The following RERE variants were observed in gnomAD, a reference collection of about 807,000 sequenced individuals.
RERE encodes the protein arginine-glutamic acid dipeptide repeats protein.
In RERE, 40 loss-of-function variants were observed where a neutral mutation model predicts 146.1. That is an observed-to-expected ratio of 0.27 (90% CI 0.21 to 0.36). The LOEUF is 0.36. RERE is among the 10% of genes least tolerant of loss of function. The probability of loss-of-function intolerance (pLI) is 1.00; values close to 1 mark genes in which losing one functional copy is unlikely to be tolerated. For synonymous variants in RERE, 1,003 were observed against 866.0 expected (o/e 1.16, Z -2.78); for missense variants, 1,933 against 2,138.7 (o/e 0.90, Z 1.90).
chr1:8,704,524 C>A (rs898046041), intron 1 of RERE, among the ~76,000 whole-genome samples: 1 of 152,140 alleles, frequency 6.6e-6, no homozygotes, highest in Admixed American at 6.6e-5. Context: ...TATAAAGTGG[C>A]TGCATTATCA....
chr1:8,697,092 T>C (rs997051672), intron 1 of RERE, among the ~76,000 whole-genome samples: 5 of 152,120 alleles, frequency 3.3e-5, no homozygotes, highest in African/African-American at 1.2e-4. Flanking sequence ...TTGAGAAAGG[T>C]GAATATTTCA....
At chr1:8,562,081 A>G (rs1646085338) in intron 4 of RERE, among the ~76,000 whole-genome samples, 2 of 152,232 alleles carry the variant, frequency 1.3e-5, no homozygotes, top group Non-Finnish European at 2.9e-5. Flanking sequence ...ATTAATATAA[A>G]GCAAGTGGAT....
At chr1:8,664,156 A>G (rs1317057381) in intron 1 of RERE, among the ~76,000 whole-genome samples, 1 of 152,222 alleles carries the variant, frequency 6.6e-6, no homozygotes, top group African/African-American at 2.4e-5. Flanking sequence ...TCCTCTCTGC[A>G]GCAAATTCAG....
intron 1 of RERE, among the ~76,000 whole-genome samples, chr1:8,727,326 G>C (rs1639991908): frequency 6.6e-6 from 1 of 151,178 alleles, no homozygotes; most frequent in Non-Finnish European, 1.5e-5. Flanking sequence ...ATTTTTCATA[G>C]AGACAGAATT....
chr1:8,429,592 G>T (rs896369555), intron 11 of RERE, among the ~76,000 whole-genome samples: 10 of 152,176 alleles, frequency 6.6e-5, no homozygotes, highest in Admixed American at 2.6e-4. Flanking sequence ...AGATACCTCT[G>T]CATTAACCCC....
chr1:8,397,585 C>T (rs1355385070), intron 12 of RERE, among the ~76,000 whole-genome samples: 2 of 107,408 alleles, frequency 1.9e-5, no homozygotes, highest in South Asian at 6.2e-4. Context: ...CACACTCACA[C>T]AGGAAAAAAA....
chr1:8,637,027 C>T (rs1647110317), intron 2 of RERE, among the ~76,000 whole-genome samples: 1 of 152,050 alleles, frequency 6.6e-6, no homozygotes, highest in African/African-American at 2.4e-5. Flanking sequence ...TCTAGATGCC[C>T]TAGTGGCATC....
chr1:8,613,022 G>A (rs1279126140), intron 4 of RERE, among the ~76,000 whole-genome samples: 2 of 152,100 alleles, frequency 1.3e-5, no homozygotes, highest in South Asian at 4.1e-4. Context: ...TTATGCTGTT[G>A]CAACAATTAC....
Position 8,358,470 on chromosome 1 carries a change from G to A in RERE, c.4065C>T (p.Ile1355=), listed in dbSNP as rs1570022194. ...EHFARHSALT[I]PPTAGPHPFA... ...AAGGGTGGGGCCCGGCGGTCGGGGG[G>A]ATGGTGAGGGCGCTGTGCCGGGCAA... is the stretch of plus-strand genomic sequence containing the variant. The change falls in exon 20 of 23, where the codon ATC becomes ATT. Residue 1355 remains isoleucine (I), a synonymous_variant. Coordinates refer to ENST00000400908, the MANE Select transcript of RERE (RefSeq NM_001042681.2). 1.3e-6 allele frequency: 2 copies of A among 1,585,052 alleles called. No individual in the cohort carries two copies. The highest frequency in any genetic ancestry group is 1.7e-6 in the Non-Finnish European group (2 of 1,163,156).
chr1:8,718,868 G>A (rs1639809307), intron 1 of RERE, among the ~76,000 whole-genome samples: 1 of 152,132 alleles, frequency 6.6e-6, no homozygotes, highest in East Asian at 1.9e-4. Flanking sequence ...ATTCAAGCAA[G>A]GCCTTGGATG....
chr1:8,533,912 G>A (rs938583502), intron 7 of RERE, among the ~76,000 whole-genome samples: 2 of 152,172 alleles, frequency 1.3e-5, no homozygotes, highest in African/African-American at 4.8e-5. Context: ...CTTTTGTCCT[G>A]TTTTATTAAA....
chr1:8,423,884 G>T lies in RERE; in HGVS notation c.1204-1077C>A, dbSNP rs1472471284. On this transcript the variant is annotated intron_variant, in intron 11 of 22. Transcript: ENST00000400908. The surrounding 1 kb of genome is among the most constrained non-coding windows in gnomAD (Gnocchi z 5.4). ...CCGCCAGCCGGGGCCCCGCGCCCCG[G>T]CCCCGGCCCCGCCCCCGGCCCGACC... 6.8e-5 allele frequency: 11 copies of T among 160,662 alleles called. No homozygotes were observed. Among genetic ancestry groups the T allele is most frequent in the Non-Finnish European group, 1.3e-4 (10 of 76,990 alleles). The allele number at this position is 160,662 out of a possible 1,614,324, so 10.0% of individuals were successfully genotyped here.
At chr1:8,697,630 C>A (rs1298416251) in intron 1 of RERE, among the ~76,000 whole-genome samples, 1 of 152,194 alleles carries the variant, frequency 6.6e-6, no homozygotes, top group Non-Finnish European at 1.5e-5. Flanking sequence ...ACCTCGTGAT[C>A]CGCCGCCTCG....
chr1:8,786,909 C>T lies in RERE; in HGVS notation c.-145+30251G>A. ...TAAGGGTTTCTGGCACAACAGGAAC[C>T]TTCTTCTTCTCTTCAACACCCTCCA... On this transcript the variant is annotated intron_variant, in intron 1 of 22. Transcript: ENST00000400908. 6.0e-6 allele frequency: 5 copies of T among 826,844 alleles called. No individual in the cohort carries two copies. The South Asian group carries it at 6.9e-5, about 11-fold the overall frequency. 51.2% of individuals were successfully genotyped at this position (826,844 alleles called of 1,614,324 possible).
At chr1:8,653,060 G>A (rs1024951747) in intron 2 of RERE, among the ~76,000 whole-genome samples, 6 of 152,174 alleles carry the variant, frequency 3.9e-5, no homozygotes, top group Admixed American at 1.3e-4. Flanking sequence ...AGCAGAAACA[G>A]GGTGCCACAG....
intron 1 of RERE, among the ~76,000 whole-genome samples, chr1:8,656,969 T>C (rs1187557877): frequency 2.0e-5 from 3 of 152,108 alleles, no homozygotes; most frequent in Non-Finnish European, 4.4e-5. Flanking sequence ...AAAATATTTC[T>C]ACCTGAAAAA....
chr1:8,771,638 T>C (rs939478696), intron 1 of RERE, among the ~76,000 whole-genome samples: 1 of 151,934 alleles, frequency 6.6e-6, no homozygotes, highest in Middle Eastern at 3.4e-3. Context: ...GGGCCGGGCA[T>C]GGTGGCTCAC....
At position 8,422,751 on chromosome 1, in the gene RERE, C is replaced by T. The variant is rs1004480129; in HGVS notation, c.1260G>A (p.Lys420=). The T allele has an allele frequency of 1.2e-6, 2 of 1,613,820 alleles. No individual in the cohort carries two copies. Among genetic ancestry groups the T allele is most frequent in the Admixed American group, 3.3e-5 (2 of 60,010 alleles). ...CTGTTTCCTTATTGGGAAGCAGCTCCTTTCTAATTCTGAAGAAGTTCTTCC... is the reference window on the plus strand; with the variant it reads ...CTGTTTCCTTATTGGGAAGCAGCTCTTTTCTAATTCTGAAGAAGTTCTTCC... The part of the protein sequence containing the change: ...QYGKNFFRIR[K]ELLPNKETGE... Residue 420 remains lysine, a synonymous_variant, in exon 12 of 23, where the codon AAG becomes AAA. Transcript: ENST00000400908.
At chr1:8,579,576 G>C (rs986498656) in intron 4 of RERE, among the ~76,000 whole-genome samples, 2 of 152,214 alleles carry the variant, frequency 1.3e-5, no homozygotes, top group Non-Finnish European at 1.5e-5. Context: ...CAGGCCTAGG[G>C]AATTTATAGA....
Sources: gnomAD v4.1 joint callset for allele counts (sites outside exome capture counted in the v4.1 genomes callset) on GRCh38, gnomAD v4.1.1 for gene constraint, Gnocchi (gnomAD v3.1) non-coding constraint, MANE v1.5 for transcripts, NCBI Gene and HGNC (gene_info 2026-07-23, HGNC 2026-07-21) for gene names.